The following RBFOX1 variants were observed in gnomAD, a reference collection of about 807,000 sequenced individuals.
RBFOX1 encodes the protein RNA binding fox-1 homolog 1.
Under a neutral mutation model 57.7 loss-of-function variants are expected in RBFOX1, and 8 were observed. That is an observed-to-expected ratio of 0.14 (90% CI 0.08 to 0.25). The LOEUF (loss-of-function observed/expected upper bound fraction) is 0.25. Ranked by LOEUF, RBFOX1 falls within the 10% of genes least tolerant of loss-of-function variation. RBFOX1 has a pLI of 1.00. For synonymous variants in RBFOX1, 326 were observed against 222.4 expected, an observed-to-expected ratio of 1.47 and a Z score of -4.15; for missense variants, 611 against 548.5, an observed-to-expected ratio of 1.11 and a Z score of -1.14.
At chr16:7,058,456 A>G (rs1403316658) in intron 4 of RBFOX1, among the ~76,000 whole-genome samples, 1 of 152,178 alleles carries the variant, frequency 6.6e-6, no homozygotes, top group Non-Finnish European at 1.5e-5. Context: ...CTACTGAGAT[A>G]AAATCTAGAC....
rs185871159 is a variant in RBFOX1 at position 6,243,451 on chromosome 16, G to A, written c.-126-73544G>A. Among the ~76,000 whole-genome samples the A allele has an allele frequency of 2.0e-5, 3 of 152,152 alleles. No homozygotes were observed. In the East Asian group the frequency reaches 5.8e-4, roughly 29 times the overall value. The stretch of plus-strand genomic sequence containing the variant: ...TCATGGTGCTGCTGTTTAAGCTTAC[G>A]GTTTATGAGGAGACCTGCTTTCCAG... On this transcript the variant is annotated intron_variant, in intron 1 of 15. Transcript: ENST00000550418.
At chr16:7,091,344 T>A (rs2060819012) in intron 4 of RBFOX1, among the ~76,000 whole-genome samples, 1 of 152,070 alleles carries the variant, frequency 6.6e-6, no homozygotes, top group Admixed American at 6.6e-5. Flanking sequence ...CGTTTCACAC[T>A]TCATCCTCAC....
At chr16:6,573,970 G>T (rs2097383820) in intron 2 of RBFOX1, 1 of 152,268 alleles carries the variant, frequency 6.6e-6, no homozygotes, top group Non-Finnish European at 1.5e-5. Flanking sequence ...CTTAGGTTAG[G>T]TTGCTTCTAA....
intron 1 of RBFOX1, among the ~76,000 whole-genome samples, chr16:5,456,619 C>T (rs756211722): frequency 6.6e-6 from 1 of 152,202 alleles, no homozygotes; most frequent in Non-Finnish European, 1.5e-5. Context: ...ACACAGTCAC[C>T]AAGACCTGTC....
chr16:6,500,276 A>G (rs542961025), intron 2 of RBFOX1, among the ~76,000 whole-genome samples: 2 of 152,334 alleles, frequency 1.3e-5, no homozygotes, highest in East Asian at 1.9e-4. Flanking sequence ...CAAGAAGACC[A>G]TCATCTGTGT....
chr16:7,603,664 G>T (rs889638023), intron 9 of RBFOX1, among the ~76,000 whole-genome samples: 10 of 152,112 alleles, frequency 6.6e-5, no homozygotes, highest in African/African-American at 2.4e-4. Flanking sequence ...TTGATATACG[G>T]TGGTCTTGGG....
intron 6 of RBFOX1, among the ~76,000 whole-genome samples, chr16:7,585,228 A>G (rs981935820): frequency 1.3e-5 from 2 of 152,216 alleles, no homozygotes; most frequent in Admixed American, 6.5e-5. Flanking sequence ...TTTCTTTACT[A>G]TGAAATTCAG....
At chr16:6,556,231 T>A (rs984182722) in intron 2 of RBFOX1, among the ~76,000 whole-genome samples, 3 of 152,218 alleles carry the variant, frequency 2.0e-5, no homozygotes, top group Non-Finnish European at 4.4e-5. Flanking sequence ...CGTCTCTCTA[T>A]CTACTTATCA....
intron 3 of RBFOX1, among the ~76,000 whole-genome samples, chr16:7,005,150 C>T (rs926846751): frequency 4.6e-5 from 7 of 151,418 alleles, no homozygotes; most frequent in African/African-American, 1.7e-4. Context: ...ATCTCAAAAA[C>T]AAAAAACGAA....
At chr16:5,253,578 T>G (rs1275021976) in intron 1 of RBFOX1, among the ~76,000 whole-genome samples, 1 of 152,234 alleles carries the variant, frequency 6.6e-6, no homozygotes, top group Non-Finnish European at 1.5e-5. Flanking sequence ...CAGGTTGAAC[T>G]TGGCCTCTGA....
intron 2 of RBFOX1, among the ~76,000 whole-genome samples, chr16:6,344,407 C>CTTTTTTTCTTTT (rs1555635140): frequency 2.7e-5 from 3 of 109,846 alleles, no homozygotes; most frequent in African/African-American, 1.3e-4. Flanking sequence ...TCTTTTTTTT[C>CTTTTTTTCTTTT]TTTTTTTTTT....
rs2095998917 is a variant in RBFOX1, at chr16:6,081,352, T to C, written c.-127+61360T>C. Among the ~76,000 whole-genome samples the C allele has an allele frequency of 3.3e-5, 5 of 152,198 alleles. No individual in the cohort carries two copies. In the South Asian group the frequency reaches 1.0e-3, roughly 32 times the overall value. Reference sequence around the variant, plus strand: ...GGGTGCTGAAATGATTAGTATAACATTCCGGAGTTCAGGTCTCTGTTATCT... The same window carrying C: ...GGGTGCTGAAATGATTAGTATAACACTCCGGAGTTCAGGTCTCTGTTATCT... On this transcript the variant is annotated intron_variant, in intron 1 of 15. Transcript: ENST00000550418.
chr16:5,826,839 A>G (rs1485483342), intron 3 of RBFOX1, among the ~76,000 whole-genome samples: 1 of 152,220 alleles, frequency 6.6e-6, no homozygotes, highest in Non-Finnish European at 1.5e-5. Flanking sequence ...AGTGGTAGAT[A>G]GAGTTCATCT....
rs377687977 is a variant in RBFOX1, at chr16:6,628,591, A to C, written c.-63-26012A>C. 4.6e-5 allele frequency among the ~76,000 whole-genome samples: 7 copies of C among 152,312 alleles called. No homozygotes were observed. The South Asian group carries it at 8.3e-4, about 18-fold the overall frequency. The stretch of plus-strand genomic sequence containing the variant: ...TTTTATGCATTTCAAAGTGACTTGC[A>C]TCAGTATCTTTCACCCTTCAGCAGG... On this transcript the variant is annotated intron_variant, in intron 2 of 15. Coordinates refer to ENST00000550418, the MANE Select transcript of RBFOX1 (RefSeq NM_018723.4).
intron 4 of RBFOX1, among the ~76,000 whole-genome samples, chr16:7,286,650 G>C (rs1382470725): frequency 7.6e-6 from 1 of 130,810 alleles, no homozygotes; most frequent in African/African-American, 2.9e-5. Context: ...TTGAGACAGA[G>C]TCTTACTCTG....
intron 2 of RBFOX1, among the ~76,000 whole-genome samples, chr16:5,527,101 A>T (rs2044278174): frequency 6.6e-6 from 1 of 152,186 alleles, no homozygotes; most frequent in Non-Finnish European, 1.5e-5. Context: ...CCAGTCTGGA[A>T]AGAATTAGGT....
chr16:6,519,908 G>T (rs1410146746), intron 2 of RBFOX1, among the ~76,000 whole-genome samples: 1 of 152,150 alleles, frequency 6.6e-6, no homozygotes, highest in Non-Finnish European at 1.5e-5. Context: ...CTGTGGGTTT[G>T]GCCCCATGCT....
chr16:6,021,206 G>A (rs1338760532), intron 1 of RBFOX1, among the ~76,000 whole-genome samples: 2 of 152,176 alleles, frequency 1.3e-5, no homozygotes, highest in Admixed American at 6.5e-5. Context: ...AATAATGATT[G>A]TTTATTTTTA....
intron 1 of RBFOX1, among the ~76,000 whole-genome samples, chr16:5,308,681 CT>C (rs982857542): frequency 1.3e-5 from 2 of 151,048 alleles, no homozygotes; most frequent in Admixed American, 6.6e-5. Context: ...GTAAGATGAC[CT>C]TTTTTTTTCT....
Sources: allele counts gnomAD v4.1 joint callset (sites outside exome capture counted in the v4.1 genomes callset), GRCh38; gene constraint gnomAD v4.1.1; transcripts MANE v1.5; gene names NCBI Gene and HGNC (gene_info 2026-07-23, HGNC 2026-07-21).